The following EPN3 variants were observed in gnomAD, a reference collection of about 807,000 sequenced individuals.
The protein encoded by EPN3 is epsin 3.
A neutral mutation model predicts 55.5 loss-of-function variants in EPN3; 56 were observed. The observed-to-expected ratio is 1.01, with a 90% confidence interval of 0.81 to 1.26. The LOEUF is 1.26. EPN3 is among the 50% of genes most tolerant of loss of function. The pLI, the probability that EPN3 is intolerant of heterozygous loss-of-function variation, is 0.00. For missense variants in EPN3, 927 were observed against 853.4 expected (o/e 1.09, Z -1.07); for synonymous variants, 449 against 375.2 (o/e 1.20, Z -2.27).
chr17:50,534,704 T>G (rs1367628837), intron 1 of EPN3: 1 of 957,786 alleles, frequency 1.0e-6, no homozygotes, highest in Non-Finnish European at 1.2e-6. Flanking sequence ...TCCCACGGTA[T>G]CTTATTCTCT....
In EPN3 at chr17:50,541,835, G is replaced by A. The variant is rs923210163; in HGVS notation, c.1586-9G>A. 1.2e-6 allele frequency: 2 copies of A among 1,610,834 alleles called. No individual in the cohort carries two copies. Among genetic ancestry groups the A allele is most frequent in the Non-Finnish European group, 8.5e-7 (1 of 1,180,000 alleles). Reference sequence around the variant, plus strand: ...CCCCGGGTCACTCAAAGCCACTCTCGTTCTGCAGGTCTCAGCGCTCCGTCC... The same window carrying A: ...CCCCGGGTCACTCAAAGCCACTCTCATTCTGCAGGTCTCAGCGCTCCGTCC... On this transcript the variant is annotated splice_polypyrimidine_tract_variant and intron_variant, in intron 9 of 9. Transcript: ENST00000268933.
At position 50,543,044 on chromosome 17, in the gene EPN3, C is replaced by T. The variant is rs1194056499; in HGVS notation, c.*887C>T. 3.9e-5 allele frequency: 6 copies of T among 152,158 alleles called. No individual in the cohort carries two copies. The highest frequency in any genetic ancestry group is 3.9e-4 in the Admixed American group (6 of 15,286). 9.4% of individuals were successfully genotyped at this position (152,158 alleles called of 1,614,324 possible). ...AAGGCCTGGAGATCCCAGGCTGGGC[C>T]CCAGATTTAATTCAGCAAATATTGA... On this transcript the variant is annotated 3_prime_UTR_variant, in exon 10 of 10. Coordinates refer to ENST00000268933, the MANE Select transcript of EPN3 (RefSeq NM_017957.3).
Position 50,541,853 on chromosome 17 carries a change from C to T in EPN3, c.1595C>T (p.Ala532Val). Residue 532 changes from alanine (A) to valine (V), a missense_variant, in exon 10 of 10, where the codon GCT (alanine) becomes GTT (valine). Ala to Val is a moderately conservative substitution (Grantham distance 64). Coordinates refer to ENST00000268933, the MANE Select transcript of EPN3 (RefSeq NM_017957.3). Reference protein sequence around the residue: ...TRNPFLTGLSAPSPTNPFGAG... With the variant: ...TRNPFLTGLSVPSPTNPFGAG... ...CACTCTCGTTCTGCAGGTCTCAGCG[C>T]TCCGTCCCCCACCAACCCGTTCGGC... 4.3e-6 allele frequency: 7 copies of T among 1,610,138 alleles called. No individual in the cohort carries two copies. Among genetic ancestry groups the T allele is most frequent in the Non-Finnish European group, 5.9e-6 (7 of 1,180,010 alleles).
chr17:50,541,956 G>A lies in EPN3; in HGVS notation c.1698G>A (p.Val566=). The change falls in exon 10 of 10, where the codon GTG becomes GTA. Residue 566 remains valine, a synonymous_variant. Coordinates refer to ENST00000268933, the MANE Select transcript of EPN3 (RefSeq NM_017957.3). ...CGCTGGGCCTGGCAGGCGGGCCTGT[G>A]GGGGCGCCCCTGGGCTCCATGACCT... ...SPALGLAGGP[V]GAPLGSMTYS... 1 of 1,596,162 alleles carries A rather than the reference G, an allele frequency of 6.3e-7. No homozygotes were observed. The highest frequency in any genetic ancestry group is 8.5e-7 in the Non-Finnish European group (1 of 1,177,314).
At position 50,536,719 on chromosome 17, in the gene EPN3, G is replaced by C. The variant is rs960657866; in HGVS notation, c.163G>C (p.Glu55Gln). The C allele has an allele frequency of 1.9e-6, 3 of 1,613,990 alleles. No homozygotes were observed. Among genetic ancestry groups the C allele is most frequent in the Non-Finnish European group, 2.5e-6 (3 of 1,180,040 alleles). Reference protein sequence around the residue: ...DLTFNTVAFTEVMGMLWRRLN... With the variant: ...DLTFNTVAFTQVMGMLWRRLN... ...GACCTTCAACACAGTGGCCTTCACCGAAGTCATGGGCATGCTGTGGCGGCG... is the reference window on the plus strand; with the variant it reads ...GACCTTCAACACAGTGGCCTTCACCCAAGTCATGGGCATGCTGTGGCGGCG... Residue 55 changes from glutamate (E) to glutamine (Q), a missense_variant, in exon 2 of 10, where the codon GAA (glutamate) becomes CAA (glutamine). By Grantham distance (29) the Glu-to-Gln change is conservative (BLOSUM62 2). Coordinates refer to ENST00000268933, the MANE Select transcript of EPN3 (RefSeq NM_017957.3).
intron 6 of EPN3, 71 bp from the exon 7 acceptor site, chr17:50,540,722 G>A: frequency 6.6e-7 from 1 of 1,511,648 alleles, no homozygotes; most frequent in South Asian, 1.3e-5. Context: ...CTTGGGCTGG[G>A]TAACTGGGAA....
At position 50,533,003 on chromosome 17, in the gene EPN3, C is replaced by A; in HGVS notation, c.-137+18C>A. ...CACTGGAGGTAAGCTTCCTCCCTGG[C>A]CCCCTCCCTGGCAGTGGCGGCATGG... On this transcript the variant is annotated intron_variant, in intron 1 of 9. Coordinates refer to ENST00000268933, the MANE Select transcript of EPN3 (RefSeq NM_017957.3). The A allele has an allele frequency of 2.4e-6, 3 of 1,270,522 alleles. No homozygotes were observed. The highest frequency in any genetic ancestry group is 3.1e-6 in the Non-Finnish European group (3 of 975,658). 78.7% of individuals were successfully genotyped at this position (1,270,522 alleles called of 1,614,324 possible).
chr17:50,537,466 C>T, intron 2 of EPN3: 1 of 337,732 alleles, frequency 3.0e-6, no homozygotes, highest in South Asian at 3.6e-5. Flanking sequence ...CTCATCTGTA[C>T]AGTGGGGATA....
chr17:50,534,392 T>A (rs1280024562), intron 1 of EPN3: 1 of 983,876 alleles, frequency 1.0e-6, no homozygotes. Context: ...GGCAGCCAGG[T>A]CCAGGTAGGG....
rs1286135550 is a variant in EPN3 at position 50,541,296 on chromosome 17, G to A, written c.1317G>A (p.Glu439=). 1.2e-6 allele frequency: 2 copies of A among 1,613,242 alleles called. No homozygotes were observed. Among genetic ancestry groups the A allele is most frequent in the South Asian group, 1.1e-5 (1 of 91,076 alleles). The change falls in exon 8 of 10, where the codon GAG becomes GAA. Residue 439 remains glutamate (E), a synonymous_variant. Transcript: ENST00000268933. ...PESTETKEGL[E]QALPSGKPSS... ...CCACAGAGACCAAGGAGGGGCTGGA[G>A]CAGGCCCTGCCCTCTGGGAAGCCCA...
intron 1 of EPN3, chr17:50,534,402 G>A (rs1300291805): frequency 2.0e-6 from 2 of 985,424 alleles, no homozygotes; most frequent in Non-Finnish European, 2.4e-6. Context: ...TCCAGGTAGG[G>A]CTCTGGTGCA....
rs2034692324 is a variant in EPN3, at chr17:50,532,906, G to GTA, written c.-215_-214insAT. On this transcript the variant is annotated 5_prime_UTR_variant, in exon 1 of 10. The change abolishes the stop of an existing upstream ORF in the 5' untranslated region. Coordinates refer to ENST00000268933, the MANE Select transcript of EPN3 (RefSeq NM_017957.3). ...CTGGAGACGCTCCCGAGGCTGTGCCGTCCCGCTGCTGCACAGGTCGGAGGG... is the reference window on the plus strand; with the variant it reads ...CTGGAGACGCTCCCGAGGCTGTGCCGTATCCCGCTGCTGCACAGGTCGGAGGG... 1 of 1,285,086 alleles carries GTA rather than the reference G, an allele frequency of 7.8e-7. No individual in the cohort carries two copies. Among genetic ancestry groups the GTA allele is most frequent in the Non-Finnish European group, 1.0e-6 (1 of 987,150 alleles). The allele number at this position is 1,285,086 out of a possible 1,614,324, so 79.6% of individuals were successfully genotyped here.
chr17:50,537,410 T>A, intron 2 of EPN3: 2 of 456,246 alleles, frequency 4.4e-6, no homozygotes, highest in Non-Finnish European at 7.9e-6. Flanking sequence ...TTCTGCTTCC[T>A]CCAAGCTGTG....
rs1483754126 is a variant in EPN3 at position 50,540,975 on chromosome 17, C to G, written c.1162C>G (p.Pro388Ala). Residue 388 changes from proline to alanine, a missense_variant, in exon 7 of 10, where the codon CCC becomes GCC. Coordinates refer to ENST00000268933, the MANE Select transcript of EPN3 (RefSeq NM_017957.3). Reference protein sequence around the residue: ...VLPAGPPTTDPWALNSPHHKL... With the variant: ...VLPAGPPTTDAWALNSPHHKL... Reference sequence around the variant, plus strand: ...GCCTGCTGGGCCCCCCACCACAGACCCCTGGGCCCTGAACTCTCCCCACCA... The same window carrying G: ...GCCTGCTGGGCCCCCCACCACAGACGCCTGGGCCCTGAACTCTCCCCACCA... The G allele has an allele frequency of 6.2e-7, 1 of 1,612,194 alleles. No individual in the cohort carries two copies. Among genetic ancestry groups the G allele is most frequent in the Non-Finnish European group, 8.5e-7 (1 of 1,179,552 alleles).
intron 3 of EPN3, chr17:50,538,675 A>G (rs1410856350): frequency 4.1e-6 from 2 of 487,616 alleles, no homozygotes; most frequent in African/African-American, 2.0e-5. Flanking sequence ...TTCAGAAGCG[A>G]AAGATCAGTC....
rs1402047504 is a variant in EPN3, at chr17:50,542,192, C to G, written c.*35C>G. 14 of 1,434,798 alleles carry G rather than the reference C, an allele frequency of 9.8e-6. No homozygotes were observed. Among genetic ancestry groups the G allele is most frequent in the Middle Eastern group, 2.4e-4 (1 of 4,206 alleles). 88.9% of individuals were successfully genotyped at this position (1,434,798 alleles called of 1,614,324 possible). A position where few individuals can be genotyped will look rare whatever the true frequency, so the allele number is the denominator to read the frequency against. On this transcript the variant is annotated 3_prime_UTR_variant, in exon 10 of 10. Transcript: ENST00000268933. ...CGTCCCATACCGGCCTGCGCCTGCGCCGGACGCTCCGCGGCCCCGCCTCCG... is the reference window on the plus strand; with the variant it reads ...CGTCCCATACCGGCCTGCGCCTGCGGCGGACGCTCCGCGGCCCCGCCTCCG...
intron 6 of EPN3, 71 bp downstream of exon 6, chr17:50,540,405 GCC>G: frequency 2.8e-6 from 4 of 1,421,860 alleles, no homozygotes; most frequent in Non-Finnish European, 3.8e-6. Context: ...CACTTGCTGG[GCC>G]AAGCACCTCC....
At chr17:50,534,113 TC>T (rs1458527929) in intron 1 of EPN3, among the ~76,000 whole-genome samples, 13 of 149,236 alleles carry the variant, frequency 8.7e-5, no homozygotes, top group African/African-American at 2.9e-4. Flanking sequence ...CTTCCTTTCC[TC>T]CTCCCTTCTC....
rs776207771 is a variant in EPN3, at chr17:50,541,872, G to C, written c.1614G>C (p.Pro538=). The C allele has an allele frequency of 9.9e-6, 16 of 1,608,792 alleles. No homozygotes were observed. In the Admixed American group the frequency reaches 2.5e-4, roughly 25 times the overall value. ...TGLSAPSPTN[P]FGAGEPGRPT... ...TCAGCGCTCCGTCCCCCACCAACCC[G>C]TTCGGCGCGGGCGAGCCGGGCAGGC... The change falls in exon 10 of 10, where the codon CCG becomes CCC. Residue 538 remains proline (P), a synonymous_variant. Transcript: ENST00000268933.
Sources: gnomAD v4.1 joint callset for allele counts (sites outside exome capture counted in the v4.1 genomes callset) on GRCh38, gnomAD v4.1.1 for gene constraint, MANE v1.5 for transcripts, NCBI Gene and HGNC (gene_info 2026-07-23, HGNC 2026-07-21) for gene names.